The following CACNA1B variants were observed in gnomAD, a reference collection of about 807,000 sequenced individuals.
CACNA1B encodes the protein voltage-dependent N-type calcium channel subunit alpha-1B.
In CACNA1B, 70 loss-of-function variants were observed where a neutral mutation model predicts 247.2. The observed-to-expected ratio is 0.28, with a 90% CI of 0.23 to 0.35. The LOEUF (loss-of-function observed/expected upper bound fraction) is 0.35. Ranked by LOEUF, CACNA1B falls within the 10% of genes least tolerant of loss-of-function variation. The pLI is 1.00. For synonymous variants in CACNA1B, 1,231 were observed against 1,294.4 expected, an observed-to-expected ratio of 0.95 and a Z score of 1.05; for missense variants, 2,367 against 3,197.4, an observed-to-expected ratio of 0.74 and a Z score of 6.26.
At chr9:137,959,711 G>T (rs939743689) in intron 10 of CACNA1B, among the ~76,000 whole-genome samples, 3 of 152,064 alleles carry the variant, frequency 2.0e-5, no homozygotes, top group African/African-American at 7.2e-5. Context: ...TCTTAACCTC[G>T]CCTGTGTCGA....
rs1957447987 is a variant in CACNA1B, at chr9:137,919,004, G to A, written c.966+1573G>A. Among the ~76,000 whole-genome samples, 2 of 152,240 alleles carry A rather than the reference G, an allele frequency of 1.3e-5. No individual in the cohort carries two copies. Among genetic ancestry groups the A allele is most frequent in the African/African-American group, 2.4e-5 (1 of 41,460 alleles). ...CCCTAAAAATAGCTCTGAGCTGGCT[G>A]CATTCCTGCTGGCCCCACCCAAATG... On this transcript the variant is annotated intron_variant, in intron 6 of 46. Coordinates refer to ENST00000371372, the MANE Select transcript of CACNA1B (RefSeq NM_000718.4). This position sits in a 1 kb window ranked among gnomAD's most constrained non-coding sequence, Gnocchi z 4.6.
chr9:138,036,119 G>A (rs1204893586), intron 20 of CACNA1B, among the ~76,000 whole-genome samples: 2 of 150,114 alleles, frequency 1.3e-5, no homozygotes, highest in Admixed American at 1.3e-4. Context: ...CGCCCCTTCT[G>A]CCTGAAGAAC....
chr9:137,882,946 A>C lies in CACNA1B; in HGVS notation c.530+63A>C, dbSNP rs1178339201. The C allele has an allele frequency of 4.1e-5, 63 of 1,539,074 alleles. No individual in the cohort carries two copies. Among genetic ancestry groups the C allele is most frequent in the Non-Finnish European group, 5.5e-5 (61 of 1,119,018 alleles). On this transcript the variant is annotated intron_variant, in intron 3 of 46. Coordinates refer to ENST00000371372, the MANE Select transcript of CACNA1B (RefSeq NM_000718.4). This position sits in a 1 kb window ranked among gnomAD's most constrained non-coding sequence, Gnocchi z 4.0. ...CCCGGGCGTGTGCTCTCTGAAGCTC[A>C]GTTGCGCCGTGGAGCTGGGGCAGCT...
chr9:138,073,828 G>A lies in CACNA1B; in HGVS notation c.4792-173G>A, dbSNP rs958438564. On this transcript the variant is annotated intron_variant, in intron 33 of 46. Transcript: ENST00000371372. This position sits in a 1 kb window ranked among gnomAD's most constrained non-coding sequence, Gnocchi z 6.4. ...ACCCTGAGGTGGGTTTCATGACTCC[G>A]AGTTAGAGATAAAGAAACTGGGGCA... 1.3e-5 allele frequency among the ~76,000 whole-genome samples: 2 copies of A among 152,214 alleles called. No homozygotes were observed. The highest frequency in any genetic ancestry group is 2.9e-5 in the Non-Finnish European group (2 of 68,036).
rs761560724 is a variant in CACNA1B, at chr9:137,957,796, A to C, written c.1333+109A>C. ...CTGTTGGACGCCCCTTCTTGCCCAA[A>C]CGCCTGCAGGCTCCTTTCAGACAGT... On this transcript the variant is annotated intron_variant, in intron 10 of 46. Transcript: ENST00000371372. This position sits in a 1 kb window ranked among gnomAD's most constrained non-coding sequence, Gnocchi z 4.7. 1.5e-6 allele frequency: 1 copy of C among 684,018 alleles called. No homozygotes were observed. The highest frequency in any genetic ancestry group is 1.8e-5 in the African/African-American group (1 of 54,166). The allele number at this position is 684,018 out of a possible 1,614,324, so 42.4% of individuals were successfully genotyped here. A position where few individuals can be genotyped will look rare whatever the true frequency, so the allele number is the denominator to read the frequency against.
rs199915873 is a variant in CACNA1B at position 138,058,607 on chromosome 9, G to C, written c.4347G>C (p.Leu1449=). 1 of 1,613,870 alleles carries C rather than the reference G, an allele frequency of 6.2e-7. No homozygotes were observed. Among genetic ancestry groups the C allele is most frequent in the Non-Finnish European group, 8.5e-7 (1 of 1,179,846 alleles). ...ACTTCGCCATCAGCGCCAAACCCCTGACACGGTACATGCCCCAAAACCGGC... is the reference window on the plus strand; with the variant it reads ...ACTTCGCCATCAGCGCCAAACCCCTCACACGGTACATGCCCCAAAACCGGC... ...CIDFAISAKP[L]TRYMPQNRQS... The change falls in exon 29 of 47, where the codon CTG becomes CTC. Residue 1449 remains leucine (L), a synonymous_variant. Transcript: ENST00000371372. The surrounding 1 kb of genome is among the most constrained non-coding windows in gnomAD (Gnocchi z 4.7).
At chr9:137,967,289 C>T (rs974200189) in intron 10 of CACNA1B, among the ~76,000 whole-genome samples, 20 of 152,070 alleles carry the variant, frequency 1.3e-4, no homozygotes, top group African/African-American at 4.6e-4. Context: ...TTTATTCTGC[C>T]TCCACCCATA....
At chr9:137,968,767 A>G (rs781744523) in intron 10 of CACNA1B, among the ~76,000 whole-genome samples, 5 of 152,248 alleles carry the variant, frequency 3.3e-5, no homozygotes, top group Non-Finnish European at 7.3e-5. Context: ...TTAGGGCACA[A>G]GAGAAAGAAA....
intron 35 of CACNA1B, among the ~76,000 whole-genome samples, chr9:138,076,650 A>G (rs1028926775): frequency 6.6e-6 from 1 of 152,202 alleles, no homozygotes; most frequent in East Asian, 1.9e-4. Context: ...CTGGTTTGAG[A>G]GTGAACTTGG....
chr9:138,006,561 A>T (rs1203913338), intron 15 of CACNA1B, among the ~76,000 whole-genome samples: 4 of 152,246 alleles, frequency 2.6e-5, no homozygotes. Context: ...CCAGTTCTGC[A>T]GCCATGTCCT....
At chr9:138,118,583 G>A in intron 43 of CACNA1B, 69 bp from the exon 44 acceptor site, 3 of 758,624 alleles carry the variant, frequency 4.0e-6, no homozygotes, top group South Asian at 1.6e-5. Context: ...CATGGAGTGA[G>A]TCCGGGGTGG....
intron 15 of CACNA1B, among the ~76,000 whole-genome samples, chr9:137,998,662 G>A (rs1298082709): frequency 1.3e-5 from 2 of 152,164 alleles, no homozygotes; most frequent in African/African-American, 4.8e-5. Flanking sequence ...GGACGGATGA[G>A]AATAAAGAGG....
chr9:138,005,577 A>AT (rs1958636961), intron 15 of CACNA1B, among the ~76,000 whole-genome samples: 1 of 152,186 alleles, frequency 6.6e-6, no homozygotes, highest in South Asian at 2.1e-4. Context: ...ACAACAATAT[A>AT]TTGTCTATTT....
intron 41 of CACNA1B, among the ~76,000 whole-genome samples, chr9:138,114,899 C>T (rs922880956): frequency 6.6e-6 from 1 of 152,194 alleles, no homozygotes; most frequent in Non-Finnish European, 1.5e-5. Flanking sequence ...ATTGTCTGTT[C>T]TGCTCTTGCC....
In CACNA1B at chr9:138,007,852, C is replaced by T. The variant is rs1368669570; in HGVS notation, c.2092+968C>T. On this transcript the variant is annotated intron_variant, in intron 16 of 46. Transcript: ENST00000371372. The surrounding 1 kb of genome is among the most constrained non-coding windows in gnomAD (Gnocchi z 4.1). Reference sequence around the variant, plus strand: ...CTCACACACGATGGCCACTCCACCCCGTCTGTCTGTCCTCGTCTCTGCCTC... The same window carrying T: ...CTCACACACGATGGCCACTCCACCCTGTCTGTCTGTCCTCGTCTCTGCCTC... Among the ~76,000 whole-genome samples the T allele has an allele frequency of 1.3e-5, 2 of 152,230 alleles. No homozygotes were observed. The highest frequency in any genetic ancestry group is 2.9e-5 in the Non-Finnish European group (2 of 68,046).
intron 31 of CACNA1B, among the ~76,000 whole-genome samples, chr9:138,066,865 A>G (rs1201808796): frequency 6.6e-6 from 1 of 152,206 alleles, no homozygotes. Context: ...AGCTCAATAA[A>G]GTAGAAGAAA....
At chr9:138,053,697 C>G in intron 25 of CACNA1B, 149 bp from the exon 26 acceptor site, 1 of 672,146 alleles carries the variant, frequency 1.5e-6, no homozygotes, top group African/African-American at 1.8e-5. Flanking sequence ...ATGGCCCCAC[C>G]CATTCCCTTA....
intron 10 of CACNA1B, among the ~76,000 whole-genome samples, chr9:137,958,267 C>T (rs1305027260): frequency 6.6e-6 from 1 of 152,160 alleles, no homozygotes; most frequent in Non-Finnish European, 1.5e-5. Context: ...TTAAACTGGA[C>T]CTTTTCTGTC....
At chr9:137,906,398 G>A (rs994951096) in intron 3 of CACNA1B, among the ~76,000 whole-genome samples, 9 of 152,166 alleles carry the variant, frequency 5.9e-5, no homozygotes, top group African/African-American at 2.2e-4. Context: ...CTTGGGAATG[G>A]AATTGGAGCT....
Sources: allele counts gnomAD v4.1 joint callset (sites outside exome capture counted in the v4.1 genomes callset), GRCh38; gene constraint gnomAD v4.1.1; non-coding constraint Gnocchi (gnomAD v3.1); transcripts MANE v1.5; gene names NCBI Gene and HGNC (gene_info 2026-07-23, HGNC 2026-07-21).